Variants in KHDRBS2 observed in about 807,000 individuals in gnomAD.
KHDRBS2 encodes KH RNA binding domain containing, signal transduction associated 2.
Under a neutral mutation model 44.3 loss-of-function variants are expected in KHDRBS2, and 26 were observed. That is an observed-to-expected ratio of 0.59 (90% CI 0.43 to 0.81). The LOEUF is 0.81. Among genes scored for constraint, KHDRBS2 ranks in the 40% least tolerant of loss-of-function variants. The pLI is 0.00. For synonymous variants in KHDRBS2, 194 were observed against 151.1 expected (o/e 1.28, Z -2.08); for missense variants, 476 against 433.1 (o/e 1.10, Z -0.88).
At chr6:61,671,510 A>C in the KHDRBS2 span, among the ~76,000 whole-genome samples, 1 of 151,748 alleles carries the variant, frequency 6.6e-6, no homozygotes, top group South Asian at 2.1e-4. Context: ...TATCAAGTAG[A>C]GTGACTTTCT....
intron 1 of KHDRBS2, among the ~76,000 whole-genome samples, chr6:62,283,008 T>C (rs1842009939): frequency 6.6e-6 from 1 of 152,096 alleles, no homozygotes; most frequent in Non-Finnish European, 1.5e-5. Context: ...TAAATAAACT[T>C]ATGTAATTTC....
intron 6 of KHDRBS2, among the ~76,000 whole-genome samples, chr6:61,750,249 G>A (rs1777470747): frequency 6.6e-6 from 1 of 152,170 alleles, no homozygotes; most frequent in Admixed American, 6.5e-5. Flanking sequence ...ACTTAAATCT[G>A]AGGAAGGCTC....
intron 6 of KHDRBS2, among the ~76,000 whole-genome samples, chr6:61,883,593 G>C (rs1800510705): frequency 6.6e-6 from 1 of 152,110 alleles, no homozygotes; most frequent in African/African-American, 2.4e-5. Context: ...TTCAACTGCA[G>C]AGAAGAATAT....
At chr6:61,915,076 G>C (rs12661879) in intron 4 of KHDRBS2, among the ~76,000 whole-genome samples, 28,934 of 151,942 alleles carry the variant, frequency 0.19, 2,948 homozygotes, top group Non-Finnish European at 0.23. Context: ...ACAGTAGAAG[G>C]GTGTGTAGAT....
chr6:62,002,561 T>C (rs181763323), intron 3 of KHDRBS2, among the ~76,000 whole-genome samples: 2 of 151,466 alleles, frequency 1.3e-5, no homozygotes, highest in Admixed American at 6.6e-5. Context: ...TTTTAAATAC[T>C]ATATTACTCT....
At chr6:61,617,623 A>G in the KHDRBS2 span, among the ~76,000 whole-genome samples, 1 of 143,998 alleles carries the variant, frequency 6.9e-6, no homozygotes, top group Non-Finnish European at 1.5e-5. Flanking sequence ...AAGCTTATTA[A>G]CTGAAAAAGA....
intron 1 of KHDRBS2, among the ~76,000 whole-genome samples, chr6:62,208,241 A>G (rs1828370875): frequency 6.6e-6 from 1 of 152,108 alleles, no homozygotes; most frequent in African/African-American, 2.4e-5. Context: ...TTTTTTACAG[A>G]CAAGGTCTCC....
At chr6:62,270,824 G>C (rs1209161286) in intron 1 of KHDRBS2, among the ~76,000 whole-genome samples, 2 of 152,072 alleles carry the variant, frequency 1.3e-5, no homozygotes, top group African/African-American at 4.8e-5. Context: ...TGACCTATGA[G>C]ATCGTTGGTA....
chr6:61,844,716 T>C (rs1364903762), intron 6 of KHDRBS2, among the ~76,000 whole-genome samples: 2 of 150,622 alleles, frequency 1.3e-5, no homozygotes, highest in South Asian at 2.1e-4. Context: ...AAGGAGCTAA[T>C]AGCATTCATA....
intron 4 of KHDRBS2, among the ~76,000 whole-genome samples, chr6:61,908,303 T>A (rs77702973): frequency 0.056 from 8,530 of 151,938 alleles, 354 homozygotes; most frequent in Non-Finnish European, 0.084. Context: ...AATGGAAAAA[T>A]TAATTTTTAG....
At chr6:62,211,189 A>T (rs1334039141) in intron 1 of KHDRBS2, among the ~76,000 whole-genome samples, 1 of 152,176 alleles carries the variant, frequency 6.6e-6, no homozygotes, top group African/African-American at 2.4e-5. Flanking sequence ...CTTAATTTAT[A>T]ACATCACCTG....
At chr6:61,769,424 G>A (rs1276320195) in intron 6 of KHDRBS2, among the ~76,000 whole-genome samples, 2 of 152,160 alleles carry the variant, frequency 1.3e-5, no homozygotes, top group Non-Finnish European at 2.9e-5. Context: ...AAAGAAAGCA[G>A]TGACAGATGG....
intron 6 of KHDRBS2, among the ~76,000 whole-genome samples, chr6:61,770,158 A>G: frequency 6.6e-6 from 1 of 152,212 alleles, no homozygotes; most frequent in East Asian, 1.9e-4. Context: ...ACAAACAGAA[A>G]GGACATCCAC....
intron 6 of KHDRBS2, among the ~76,000 whole-genome samples, chr6:61,804,760 A>G (rs1786865523): frequency 6.6e-6 from 1 of 152,160 alleles, no homozygotes; most frequent in Non-Finnish European, 1.5e-5. Context: ...CCTTTTAGCC[A>G]TGGCTGGGAT....
the KHDRBS2 span, among the ~76,000 whole-genome samples, chr6:61,592,280 T>A: frequency 6.6e-6 from 1 of 150,936 alleles, no homozygotes; most frequent in African/African-American, 2.4e-5. Flanking sequence ...ATACAAAATA[T>A]GAAAATTCAA....
At chr6:61,890,987 T>G (rs1801737178) in intron 6 of KHDRBS2, among the ~76,000 whole-genome samples, 1 of 152,248 alleles carries the variant, frequency 6.6e-6, no homozygotes, top group African/African-American at 2.4e-5. Context: ...TGCTAAAAAT[T>G]AATATACTCT....
At chr6:61,640,813 A>G in the KHDRBS2 span, among the ~76,000 whole-genome samples, 1 of 152,160 alleles carries the variant, frequency 6.6e-6, no homozygotes, top group East Asian at 1.9e-4. Context: ...TCAGGTAAGA[A>G]ATTTTGGACG....
chr6:62,203,082 A>T (rs1425417449), intron 1 of KHDRBS2, among the ~76,000 whole-genome samples: 1 of 152,148 alleles, frequency 6.6e-6, no homozygotes, highest in Non-Finnish European at 1.5e-5. Context: ...TTGAAGGACC[A>T]GTGAAGTGAA....
intron 4 of KHDRBS2, among the ~76,000 whole-genome samples, chr6:61,932,202 G>T (rs1430585041): frequency 4.6e-5 from 7 of 151,820 alleles, no homozygotes; most frequent in Non-Finnish European, 1.0e-4. Context: ...GTTGTTTAAG[G>T]GTCAACTATA....
Sources: allele counts gnomAD v4.1 joint callset (sites outside exome capture counted in the v4.1 genomes callset), GRCh38; gene constraint gnomAD v4.1.1; transcripts MANE v1.5; gene names NCBI Gene and HGNC (gene_info 2026-07-23, HGNC 2026-07-21).